The following TTC39B variants were observed in gnomAD, a reference collection of about 807,000 sequenced individuals.
TTC39B encodes tetratricopeptide repeat domain 39B, also known as tetratricopeptide repeat protein 39B.
TTC39B carries 92 observed loss-of-function variants against 96.6 expected under a neutral mutation model. The ratio of observed to expected loss-of-function variants is 0.95; its 90% CI spans 0.80 to 1.13. The LOEUF (loss-of-function observed/expected upper bound fraction) is 1.13. Among genes scored for constraint, TTC39B ranks in the 50% most tolerant of loss-of-function variants. The probability of loss-of-function intolerance (pLI) is 0.00; values close to 1 mark genes in which losing one functional copy is unlikely to be tolerated. For synonymous variants in TTC39B, 367 were observed against 299.4 expected, an observed-to-expected ratio of 1.23 and a Z score of -2.33; for missense variants, 955 against 809.3, an observed-to-expected ratio of 1.18 and a Z score of -2.18.
At chr9:15,222,394 T>G (rs1470360441) in intron 3 of TTC39B, among the ~76,000 whole-genome samples, 1 of 152,216 alleles carries the variant, frequency 6.6e-6, no homozygotes, top group Non-Finnish European at 1.5e-5. Flanking sequence ...GTTCATCACT[T>G]CAATCTTTAG....
chr9:15,177,720 T>G, exon 18 of TTC39B: 2 of 1,613,148 alleles, frequency 1.2e-6, no homozygotes, highest in Non-Finnish European at 1.7e-6. Context: ...GATTGTAACA[T>G]AGTTCAGCTT....
intron 2 of TTC39B, among the ~76,000 whole-genome samples, chr9:15,253,296 A>C (rs945565982): frequency 6.6e-6 from 1 of 152,234 alleles, no homozygotes; most frequent in Non-Finnish European, 1.5e-5. Context: ...AGAGAGACAC[A>C]AAAAAACAGA....
In TTC39B at chr9:15,198,650, ACAG is replaced by A. The variant is rs574295969; in HGVS notation, c.824+1208_824+1210del. Among the ~76,000 whole-genome samples the A allele has an allele frequency of 3.1e-3, 475 of 151,960 alleles. 2 individuals are homozygous for A. The highest frequency in any genetic ancestry group is 0.011 in the African/African-American group (447 of 41,502). On this transcript the variant is annotated intron_variant, in intron 8 of 19. Coordinates refer to ENST00000512701, the Ensembl canonical transcript of TTC39B. ...AAATTAGACTACAGCTAAGAGAACA[ACAG>A]TTCTAAAAATGTTATTAAAGCAAAA...
intron 1 of TTC39B, among the ~76,000 whole-genome samples, chr9:15,271,136 G>A (rs1351803106): frequency 2.0e-5 from 3 of 152,084 alleles, no homozygotes. Context: ...CAGTTGGGCA[G>A]GATGGGGAGG....
In TTC39B at chr9:15,306,998, G is replaced by C. The variant is rs1369757227; in HGVS notation, c.240+86C>G. 1.2e-5 allele frequency: 19 copies of C among 1,539,454 alleles called. No homozygotes were observed. In the Admixed American group the frequency reaches 3.1e-4, roughly 25 times the overall value. ...GAGGGGACCAAGGGGGCGGGGCCTC[G>C]GCCGTCCTAGCCGGGCTCACTCTTC... On this transcript the variant is annotated intron_variant, in intron 1 of 19. Coordinates refer to ENST00000512701, the Ensembl canonical transcript of TTC39B. This position sits in a 1 kb window ranked among gnomAD's most constrained non-coding sequence, Gnocchi z 5.1.
intron 15 of TTC39B, 38 bp downstream of exon 15, chr9:15,186,906 C>T (rs1234473952): frequency 1.3e-6 from 2 of 1,587,784 alleles, no homozygotes. Flanking sequence ...CCCTTTATAC[C>T]CTCAGAGCCT....
intron 14 of TTC39B, 126 bp downstream of exon 14, chr9:15,187,845 C>T (rs533807608): frequency 9.7e-7 from 1 of 1,027,674 alleles, no homozygotes; most frequent in African/African-American, 1.6e-5. Context: ...ACATTTCCTC[C>T]TTTTGTGGAT....
At chr9:15,277,695 T>G (rs1383905236) in intron 1 of TTC39B, among the ~76,000 whole-genome samples, 2 of 152,180 alleles carry the variant, frequency 1.3e-5, no homozygotes, top group Non-Finnish European at 2.9e-5. Context: ...CATCCCTTAT[T>G]CAAAATCCTA....
At chr9:15,212,763 A>T (rs1348277822) in intron 4 of TTC39B, among the ~76,000 whole-genome samples, 1 of 152,232 alleles carries the variant, frequency 6.6e-6, no homozygotes, top group Admixed American at 6.5e-5. Context: ...CTGACTGAAC[A>T]CAACACTAAA....
intron 11 of TTC39B, 141 bp from the exon 12 acceptor site, chr9:15,189,933 G>C: frequency 3.1e-6 from 2 of 645,754 alleles, no homozygotes; most frequent in African/African-American, 1.8e-5. Flanking sequence ...TTATATCTGG[G>C]GAATAAAATA....
At chr9:15,231,462 T>C (rs1208459773) in intron 2 of TTC39B, among the ~76,000 whole-genome samples, 2 of 152,234 alleles carry the variant, frequency 1.3e-5, no homozygotes, top group Admixed American at 1.3e-4. Flanking sequence ...ATGTTGAGAA[T>C]CTTTTTTAAG....
At chr9:15,254,299 G>A (rs1018715753) in intron 2 of TTC39B, among the ~76,000 whole-genome samples, 88 of 151,694 alleles carry the variant, frequency 5.8e-4, no homozygotes, top group Non-Finnish European at 1.0e-4. Context: ...TTTTTAATGT[G>A]TTCTTTTTTT....
intron 2 of TTC39B, among the ~76,000 whole-genome samples, chr9:15,240,674 T>A (rs1320127026): frequency 6.6e-6 from 1 of 152,206 alleles, no homozygotes; most frequent in Admixed American, 6.5e-5. Context: ...AAAATAGTTA[T>A]CTAAGAAATA....
chr9:15,207,033 G>A (rs927449740), intron 6 of TTC39B, among the ~76,000 whole-genome samples: 6 of 152,154 alleles, frequency 3.9e-5, no homozygotes, highest in Non-Finnish European at 8.8e-5. Context: ...CCTCCTACAC[G>A]CACTTCTCCT....
At chr9:15,233,901 A>G (rs2131440116) in intron 2 of TTC39B, among the ~76,000 whole-genome samples, 1 of 145,434 alleles carries the variant, frequency 6.9e-6, no homozygotes, top group South Asian at 2.2e-4. Context: ...CATCCCATCT[A>G]GGAAGTGAGG....
intron 1 of TTC39B, among the ~76,000 whole-genome samples, chr9:15,271,142 G>C (rs1310780724): frequency 6.6e-6 from 1 of 152,100 alleles, no homozygotes; most frequent in Non-Finnish European, 1.5e-5. Context: ...GGCAGGATGG[G>C]GAGGGGGTGG....
At chr9:15,235,587 GA>G (rs1821742013) in intron 2 of TTC39B, among the ~76,000 whole-genome samples, 1 of 151,990 alleles carries the variant, frequency 6.6e-6, no homozygotes, top group South Asian at 2.1e-4. Flanking sequence ...ACCTACAAAG[GA>G]AAACCCATCA....
intron 2 of TTC39B, among the ~76,000 whole-genome samples, chr9:15,255,146 CAT>C (rs767567048): frequency 5.3e-5 from 8 of 152,046 alleles, no homozygotes; most frequent in Non-Finnish European, 1.2e-4. Context: ...AAATAAATAA[CAT>C]AGAAATTACT....
Position 15,271,549 on chromosome 9 carries a change from G to A in TTC39B, c.241-3601C>T, listed in dbSNP as rs115989511. On this transcript the variant is annotated intron_variant, in intron 1 of 19. Transcript: ENST00000512701. ...AGATCACTTGCATGCACATTTCACA[G>A]TAGGGTTAGCTCTCCTGAGACTCTC... Among the ~76,000 whole-genome samples the A allele has an allele frequency of 7.8e-3, 1,183 of 152,234 alleles. 20 individuals are homozygous for A. The highest frequency in any genetic ancestry group is 0.027 in the African/African-American group (1,110 of 41,542).
Sources: gnomAD v4.1 joint callset for allele counts (sites outside exome capture counted in the v4.1 genomes callset) on GRCh38, gnomAD v4.1.1 for gene constraint, Gnocchi (gnomAD v3.1) non-coding constraint, MANE v1.5 for transcripts, NCBI Gene and HGNC (gene_info 2026-07-23, HGNC 2026-07-21) for gene names.